The following CENPF variants were observed in gnomAD, a reference collection of about 807,000 sequenced individuals.
CENPF encodes the protein AH antigen.
Under a neutral mutation model 307.3 loss-of-function variants are expected in CENPF, and 214 were observed. The observed-to-expected ratio is 0.70, with a 90% CI of 0.62 to 0.78. The LOEUF (loss-of-function observed/expected upper bound fraction) is 0.78, where lower values mean the gene tolerates loss of function less well. Ranked by LOEUF, CENPF falls within the 30% of genes least tolerant of loss-of-function variation. The probability of loss-of-function intolerance (pLI) is 0.00; values close to 1 mark genes in which losing one functional copy is unlikely to be tolerated. For missense variants in CENPF, 3,401 were observed against 3,483.9 expected, an observed-to-expected ratio of 0.98 and a Z score of 0.60; for synonymous variants, 1,259 against 1,270.6, an observed-to-expected ratio of 0.99 and a Z score of 0.19.
At chr1:214,630,257 A>G (rs1189776966) in intron 8 of CENPF, among the ~76,000 whole-genome samples, 2 of 152,140 alleles carry the variant, frequency 1.3e-5, no homozygotes, top group Admixed American at 6.5e-5. Context: ...AGTAGAGGTA[A>G]TTAATTTAAG....
In CENPF at chr1:214,614,946, AAGG is replaced by A. The variant is rs746324819; in HGVS notation, c.280_282del (p.Glu94del). Reference sequence around the variant, plus strand: ...GAAGATTTCTCATGAACTTCAAGTCAAGGAGTCACAAGTGAATTTCCAGGAAGG... The same window carrying A: ...GAAGATTTCTCATGAACTTCAAGTCAAGTCACAAGTGAATTTCCAGGAAGG... On this transcript the variant is annotated inframe_deletion, in exon 3 of 20. Transcript: ENST00000366955. 57 of 1,611,808 alleles carry A rather than the reference AAGG, an allele frequency of 3.5e-5. No homozygotes were observed. Among genetic ancestry groups the A allele is most frequent in the Admixed American group, 1.0e-4 (6 of 59,680 alleles).
Position 214,663,595 on chromosome 1 carries a change from A to G in CENPF, c.9146A>G (p.Lys3049Arg), listed in dbSNP as rs563854885. 4.2e-5 allele frequency: 68 copies of G among 1,614,110 alleles called. No individual in the cohort carries two copies. In the South Asian group the frequency reaches 4.7e-4, roughly 11 times the overall value. ...TAGGSRSQKV[K>R]VAQRSPVDSG... ...ACAGAGATGTTTGTGTTGCAGGTCA[A>G]AGTTGCTCAGCGGAGCCCAGTAGAT... The change falls in exon 20 of 20, where the codon AAA (lysine) becomes AGA (arginine). Residue 3049 changes from lysine to arginine, a missense_variant. Lys to Arg is a conservative substitution (Grantham distance 26, BLOSUM62 2). Coordinates refer to ENST00000366955, the MANE Select transcript of CENPF (RefSeq NM_016343.4).
rs760778944 is a variant in CENPF, at chr1:214,640,152, A to C, written c.1814A>C (p.Lys605Thr). The C allele has an allele frequency of 2.5e-6, 4 of 1,584,962 alleles. No homozygotes were observed. The change falls in exon 12 of 20, where the codon AAA becomes ACA. Residue 605 changes from lysine to threonine, a missense_variant. Transcript: ENST00000366955. Reference protein sequence around the residue: ...SKALLSALELKKKEYEELKEE... With the variant: ...SKALLSALELTKKEYEELKEE... Reference sequence around the variant, plus strand: ...GCCTTGCTGAGTGCTTTAGAGTTAAAAAAGAAAGAATATGAAGAATTGAAA... The same window carrying C: ...GCCTTGCTGAGTGCTTTAGAGTTAACAAAGAAAGAATATGAAGAATTGAAA...
In CENPF at chr1:214,640,567, A is replaced by C; in HGVS notation, c.2229A>C (p.Ser743=). 14 of 1,614,090 alleles carry C rather than the reference A, an allele frequency of 8.7e-6. 1 individual carries two copies. Among genetic ancestry groups the C allele is most frequent in the Non-Finnish European group, 1.2e-5 (14 of 1,179,950 alleles). The change falls in exon 12 of 20, where the codon TCA becomes TCC. Residue 743 remains serine, a synonymous_variant. Transcript: ENST00000366955. The stretch of plus-strand genomic sequence containing the variant: ...TAGAACACAAGCTTCAGTTACTGTC[A>C]AATGAAATAATGGACAAAGACCGGT... ...EDLEHKLQLL[S]NEIMDKDRCY... is the part of the protein sequence containing the mutation.
intron 11 of CENPF, among the ~76,000 whole-genome samples, chr1:214,639,443 A>C (rs1038591363): frequency 6.6e-6 from 1 of 152,160 alleles, no homozygotes; most frequent in African/African-American, 2.4e-5. Flanking sequence ...AATCCTGTGG[A>C]TGTTTTAGCT....
intron 5 of CENPF, 108 bp downstream of exon 5, chr1:214,619,328 G>C (rs1055515790): frequency 3.7e-6 from 2 of 542,304 alleles, no homozygotes; most frequent in East Asian, 6.8e-5. Context: ...TGGCCTTTTT[G>C]TGTGTGTGTG....
In CENPF at chr1:214,644,693, A is replaced by C. The variant is rs781717317; in HGVS notation, c.5123A>C (p.Lys1708Thr). 10 of 1,613,908 alleles carry C rather than the reference A, an allele frequency of 6.2e-6. No homozygotes were observed. The East Asian group carries it at 2.2e-4, about 36-fold the overall frequency. ...AQQDLNLDIEKITETGAVKPT... is the reference protein window; with the variant it reads ...AQQDLNLDIETITETGAVKPT... ...CAGGACCTCAATCTAGACATTGAGA[A>C]AATAACTGAGACTGGTGCAGTGAAA... The change falls in exon 13 of 20, where the codon AAA (lysine) becomes ACA (threonine). Residue 1708 changes from lysine to threonine, a missense_variant. Coordinates refer to ENST00000366955, the MANE Select transcript of CENPF (RefSeq NM_016343.4).
intron 8 of CENPF, among the ~76,000 whole-genome samples, chr1:214,630,174 G>C (rs1277895743): frequency 1.3e-5 from 2 of 152,124 alleles, no homozygotes; most frequent in African/African-American, 2.4e-5. Context: ...CACCGTTTTT[G>C]AGTATGTTTG....
Position 214,613,457 on chromosome 1 carries a change from T to C in CENPF, c.-41-257T>C, listed in dbSNP as rs12405890. 0.051 allele frequency: 11,339 copies of C among 222,294 alleles called. 420 individuals are homozygous for C. Among genetic ancestry groups the C allele is most frequent in the East Asian group, 0.12 (1,221 of 9,898 alleles). 13.8% of individuals were successfully genotyped at this position (222,294 alleles called of 1,614,324 possible). A position where few individuals can be genotyped will look rare whatever the true frequency, so the allele number is the denominator to read the frequency against. The stretch of plus-strand genomic sequence containing the variant: ...AAAAAACTGAGCAATAGAAAGCAGG[T>C]AGTGATATAAGAAGTCAACACCGAG... On this transcript the variant is annotated intron_variant, in intron 1 of 19. Transcript: ENST00000366955.
intron 1 of CENPF, chr1:214,608,515 C>T (rs1483982455): frequency 6.2e-7 from 1 of 1,612,028 alleles, no homozygotes; most frequent in Non-Finnish European, 8.5e-7. Flanking sequence ...GTACCTGGCA[C>T]CAGTCACGCA....
chr1:214,609,736 C>G (rs963113434), intron 1 of CENPF, among the ~76,000 whole-genome samples: 7 of 152,160 alleles, frequency 4.6e-5, no homozygotes, highest in African/African-American at 1.4e-4. Context: ...TCTTCCTCCT[C>G]CAACTCTCCA....
At position 214,642,352 on chromosome 1, in the gene CENPF, G is replaced by A; in HGVS notation, c.4014G>A (p.Glu1338=). 2 of 1,613,378 alleles carry A rather than the reference G, an allele frequency of 1.2e-6. No homozygotes were observed. Among genetic ancestry groups the A allele is most frequent in the South Asian group, 2.2e-5 (2 of 90,844 alleles). ...CITATRKMAE[E]VGKLLNEVKI... ...CAGCAACTAGGAAAATGGCAGAAGA[G>A]GTAGGGAAACTACTAAATGAAGTTA... is the stretch of plus-strand genomic sequence containing the variant. The change falls in exon 12 of 20, where the codon GAG becomes GAA. Residue 1338 remains glutamate, a synonymous_variant. Transcript: ENST00000366955.
intron 9 of CENPF, among the ~76,000 whole-genome samples, chr1:214,632,067 C>T (rs1025873414): frequency 3.9e-5 from 6 of 152,086 alleles, no homozygotes; most frequent in Non-Finnish European, 8.8e-5. Flanking sequence ...TAGCCATTGC[C>T]CTTTTGTTCA....
intron 1 of CENPF, among the ~76,000 whole-genome samples, chr1:214,607,919 C>T (rs1014317259): frequency 3.3e-5 from 5 of 152,200 alleles, no homozygotes; most frequent in African/African-American, 1.2e-4. Context: ...CTGGATGCAG[C>T]AGCCTCGCCT....
At chr1:214,650,865 A>G (rs914321927) in intron 14 of CENPF, among the ~76,000 whole-genome samples, 13 of 152,174 alleles carry the variant, frequency 8.5e-5, no homozygotes, top group African/African-American at 3.1e-4. Flanking sequence ...CAGCCTGGGC[A>G]ACATAGTGAG....
At chr1:214,649,878 A>G (rs1658414648) in intron 14 of CENPF, among the ~76,000 whole-genome samples, 2 of 152,204 alleles carry the variant, frequency 1.3e-5, no homozygotes, top group South Asian at 4.1e-4. Flanking sequence ...GGCTTTATTC[A>G]TTCATTTATT....
At chr1:214,608,280 G>A in intron 1 of CENPF, 5 of 1,550,724 alleles carry the variant, frequency 3.2e-6, no homozygotes, top group Non-Finnish European at 2.6e-6. Context: ...TCTTGGGTGT[G>A]CCCAGGCTGA....
At chr1:214,624,979 C>T (rs1421643831) in intron 7 of CENPF, among the ~76,000 whole-genome samples, 1 of 151,752 alleles carries the variant, frequency 6.6e-6, no homozygotes, top group Non-Finnish European at 1.5e-5. Context: ...AAGGCATATA[C>T]ATTTGGGATT....
At chr1:214,631,852 G>A (rs921801219) in intron 9 of CENPF, among the ~76,000 whole-genome samples, 1 of 152,164 alleles carries the variant, frequency 6.6e-6, no homozygotes, top group Admixed American at 6.5e-5. Context: ...AAAAGCTGTA[G>A]CAGTTACTCT....
Sources: gnomAD v4.1 joint callset for allele counts (sites outside exome capture counted in the v4.1 genomes callset) on GRCh38, gnomAD v4.1.1 for gene constraint, MANE v1.5 for transcripts, NCBI Gene and HGNC (gene_info 2026-07-23, HGNC 2026-07-21) for gene names.